Variants in PPP2R2B observed in about 807,000 individuals in gnomAD.
PPP2R2B encodes the protein protein phosphatase 2 regulatory subunit Bbeta.
In PPP2R2B, 5 loss-of-function variants were observed where a neutral mutation model predicts 46.0. The ratio of observed to expected loss-of-function variants is 0.11; its 90% CI spans 0.06 to 0.23. The LOEUF (loss-of-function observed/expected upper bound fraction) is 0.23, where lower values mean the gene tolerates loss of function less well. PPP2R2B is among the 10% of genes least tolerant of loss of function. The probability of loss-of-function intolerance (pLI) is 1.00; values close to 1 mark genes in which losing one functional copy is unlikely to be tolerated. For missense variants in PPP2R2B, 367 were observed against 575.0 expected, an observed-to-expected ratio of 0.64 and a Z score of 3.70; for synonymous variants, 215 against 206.7, an observed-to-expected ratio of 1.04 and a Z score of -0.34.
At chr5:146,773,327 C>T (rs1754986404) in intron 2 of PPP2R2B, among the ~76,000 whole-genome samples, 1 of 152,172 alleles carries the variant, frequency 6.6e-6, no homozygotes, top group Admixed American at 6.5e-5. Flanking sequence ...TTCTGGGGAG[C>T]TGGTGTCTTT....
At chr5:146,966,004 C>A (rs1208559287) in intron 1 of PPP2R2B, among the ~76,000 whole-genome samples, 1 of 152,164 alleles carries the variant, frequency 6.6e-6, no homozygotes, top group South Asian at 2.1e-4. Context: ...CCCAGGCATA[C>A]AATATGTGGT....
intron 1 of PPP2R2B, among the ~76,000 whole-genome samples, chr5:147,011,088 C>T (rs1198107848): frequency 6.6e-6 from 1 of 152,158 alleles, no homozygotes; most frequent in Non-Finnish European, 1.5e-5. Flanking sequence ...CGACTACTGC[C>T]CCTTCTTCAG....
At chr5:146,741,131 A>T (rs1752853459) in intron 2 of PPP2R2B, among the ~76,000 whole-genome samples, 2 of 152,126 alleles carry the variant, frequency 1.3e-5, no homozygotes, top group Non-Finnish European at 2.9e-5. Flanking sequence ...AATTTGAAAA[A>T]TTCCCCAGGT....
intron 1 of PPP2R2B, among the ~76,000 whole-genome samples, chr5:146,912,194 G>A (rs373212667): frequency 4.2e-5 from 6 of 141,866 alleles, no homozygotes; most frequent in Non-Finnish European, 6.0e-5. Context: ...AGCCGAGATC[G>A]CGCCACTGCA....
At chr5:146,686,748 A>G (rs1778525679) in intron 5 of PPP2R2B, among the ~76,000 whole-genome samples, 2 of 152,284 alleles carry the variant, frequency 1.3e-5, no homozygotes, top group South Asian at 4.1e-4. Context: ...GATAATAATG[A>G]GAAAAAGAAT....
At chr5:146,697,468 C>T (rs1170936123) in intron 4 of PPP2R2B, among the ~76,000 whole-genome samples, 2 of 152,140 alleles carry the variant, frequency 1.3e-5, no homozygotes, top group South Asian at 2.1e-4. Context: ...GAAAAGAAAC[C>T]CTTTCTTGAT....
At chr5:147,073,048 T>C (rs1757650707) in intron 2 of PPP2R2B, among the ~76,000 whole-genome samples, 1 of 152,194 alleles carries the variant, frequency 6.6e-6, no homozygotes, top group African/African-American at 2.4e-5. Context: ...CTCAGGAAAG[T>C]GTACAGTGCT....
intron 7 of PPP2R2B, among the ~76,000 whole-genome samples, chr5:146,633,093 G>C (rs998976962): frequency 6.6e-6 from 1 of 152,098 alleles, no homozygotes; most frequent in African/African-American, 2.4e-5. Context: ...TATTGTTTCA[G>C]ACATCTAAAC....
At chr5:146,678,159 A>C (rs570028126) in intron 5 of PPP2R2B, among the ~76,000 whole-genome samples, 26 of 152,168 alleles carry the variant, frequency 1.7e-4, no homozygotes, top group African/African-American at 6.0e-4. Flanking sequence ...TACTGGCAAA[A>C]CGAATCCAGC....
At chr5:146,803,030 A>G (rs758817298) in intron 2 of PPP2R2B, among the ~76,000 whole-genome samples, 1 of 152,180 alleles carries the variant, frequency 6.6e-6, no homozygotes, top group Non-Finnish European at 1.5e-5. Context: ...CAGGATACAC[A>G]GGGACAAGAG....
At chr5:146,880,891 T>C (rs1206384626), upstream of PPP2R2B, among the ~76,000 whole-genome samples, 3 of 152,224 alleles carry the variant, frequency 2.0e-5, no homozygotes, top group Non-Finnish European at 2.9e-5. Flanking sequence ...ATTGTTTAAG[T>C]AGATTTCAAG....
intron 7 of PPP2R2B, among the ~76,000 whole-genome samples, chr5:146,634,085 G>A (rs924872398): frequency 6.6e-6 from 1 of 152,198 alleles, no homozygotes; most frequent in Non-Finnish European, 1.5e-5. Context: ...GGGTGTTTCT[G>A]TAAAGGTGTT....
In PPP2R2B at chr5:146,600,371, T is replaced by C. The variant is rs372515064; in HGVS notation, c.880A>G (p.Arg294Gly). 4.3e-6 allele frequency: 7 copies of C among 1,613,828 alleles called. No individual in the cohort carries two copies. The African/African-American group carries it at 8.0e-5, about 18-fold the overall frequency. ...AAGTAGTCCCTGGTCATGATATACCTCCCACTGTGGCTGAACTTCACATCC... is the reference window on the plus strand; with the variant it reads ...AAGTAGTCCCTGGTCATGATATACCCCCCACTGTGGCTGAACTTCACATCC... ...ISDVKFSHSG[R>G]YIMTRDYLTV... The change falls in exon 8 of 10, where the codon AGG (arginine) becomes GGG (glycine). Residue 294 changes from arginine (R) to glycine (G), a missense_variant. This residue lies in a region of PPP2R2B where 361 missense variants were observed against 545.5 expected (regional missense o/e 0.66). Coordinates refer to ENST00000394411, the MANE Select transcript of PPP2R2B (RefSeq NM_181675.4).
intron 1 of PPP2R2B, among the ~76,000 whole-genome samples, chr5:146,937,081 G>A (rs1764173431): frequency 6.6e-6 from 1 of 152,044 alleles, no homozygotes; most frequent in South Asian, 2.1e-4. Context: ...GCGGGCGGAT[G>A]ACCTGAGGTC....
In PPP2R2B at chr5:146,803,618, G is replaced by A. The variant is rs140208921; in HGVS notation, c.70+74384C>T. On this transcript the variant is annotated intron_variant, in intron 2 of 9. Coordinates refer to ENST00000394411, the MANE Select transcript of PPP2R2B (RefSeq NM_181675.4). ...AAGTCATCATTAGCAGGCCTAGCAA[G>A]TTAAATTTTTCAAAGCCCTATGACA... Among the ~76,000 whole-genome samples, 607 of 152,248 alleles carry A rather than the reference G, an allele frequency of 4.0e-3. 9 individuals are homozygous for A. Among genetic ancestry groups the A allele is most frequent in the African/African-American group, 0.014 (580 of 41,562 alleles).
At chr5:147,074,596 A>G (rs544828065) in intron 2 of PPP2R2B, among the ~76,000 whole-genome samples, 1 of 151,888 alleles carries the variant, frequency 6.6e-6, no homozygotes, top group Admixed American at 6.6e-5. Flanking sequence ...TTATTTATTT[A>G]TTTTTTTTCT....
intron 2 of PPP2R2B, among the ~76,000 whole-genome samples, chr5:146,811,032 G>A (rs768103036): frequency 9.9e-5 from 15 of 152,080 alleles, no homozygotes; most frequent in Non-Finnish European, 2.2e-4. Context: ...ATGGAGTCTT[G>A]CCCTGTCGCC....
intron 2 of PPP2R2B, among the ~76,000 whole-genome samples, chr5:146,787,254 T>A (rs1345926537): frequency 6.6e-6 from 1 of 152,202 alleles, no homozygotes; most frequent in Admixed American, 6.5e-5. Context: ...TACTCCTACA[T>A]GATCTACAGG....
At chr5:146,962,431 G>T (rs1438511654) in intron 1 of PPP2R2B, among the ~76,000 whole-genome samples, 3 of 151,834 alleles carry the variant, frequency 2.0e-5, no homozygotes, top group African/African-American at 7.3e-5. Context: ...GACCAAGGCG[G>T]GTGGATCACG....
Sources: allele counts gnomAD v4.1 joint callset (sites outside exome capture counted in the v4.1 genomes callset), GRCh38; gene constraint gnomAD v4.1.1; regional missense constraint gnomAD v4.1.1; transcripts MANE v1.5; gene names NCBI Gene and HGNC (gene_info 2026-07-23, HGNC 2026-07-21).